DCLK1: variants seen among roughly 807,000 people sequenced by gnomAD.
DCLK1 encodes the protein doublecortin like kinase 1, also known as serine/threonine-protein kinase DCLK1.
DCLK1 carries 16 observed loss-of-function variants against 86.2 expected under a neutral mutation model. That is an observed-to-expected ratio of 0.19 (90% CI 0.13 to 0.28). The LOEUF is 0.28. DCLK1 is among the 10% of genes least tolerant of loss of function. The pLI, the probability that DCLK1 is intolerant of heterozygous loss-of-function variation, is 1.00. For synonymous variants in DCLK1, 369 were observed against 370.5 expected, an observed-to-expected ratio of 1.00 and a Z score of 0.05; for missense variants, 590 against 940.2, an observed-to-expected ratio of 0.63 and a Z score of 4.87.
rs545564824 is a variant in DCLK1 at position 36,129,192 on chromosome 13, C to T, written c.-20+1922G>A. Among the ~76,000 whole-genome samples, 6 of 152,224 alleles carry T rather than the reference C, an allele frequency of 3.9e-5. No individual in the cohort carries two copies. In the South Asian group the frequency reaches 1.2e-3, roughly 32 times the overall value. On this transcript the variant is annotated intron_variant, in intron 1 of 16. Transcript: ENST00000360631. Reference sequence around the variant, plus strand: ...TTCTGTTACCAGAAAGAGTGCACATCGAATTCTCAGTGACTGACAATTGGC... The same window carrying T: ...TTCTGTTACCAGAAAGAGTGCACATTGAATTCTCAGTGACTGACAATTGGC...
rs545819095 is a variant in DCLK1, at chr13:35,948,351, A to C, written c.724-894T>G. Among the ~76,000 whole-genome samples, 6 of 152,298 alleles carry C rather than the reference A, an allele frequency of 3.9e-5. No individual in the cohort carries two copies. In the East Asian group the frequency reaches 1.2e-3, roughly 29 times the overall value. On this transcript the variant is annotated intron_variant, in intron 3 of 16. Coordinates refer to ENST00000360631, the MANE Select transcript of DCLK1 (RefSeq NM_001330071.2). ...ATAAGATGGCCAGTTGCAGGCACCC[A>C]TTCAGAGCTGTATGAAATAGATGTT...
At chr13:36,100,457 A>G (rs192915383) in intron 3 of DCLK1, among the ~76,000 whole-genome samples, 10 of 152,290 alleles carry the variant, frequency 6.6e-5, no homozygotes, top group East Asian at 5.8e-4. Context: ...CAGGAGACCA[A>G]TTCCAGAAAT....
chr13:36,125,564 A>T (rs576035275), intron 2 of DCLK1, among the ~76,000 whole-genome samples, 198 bp downstream of exon 2: 1 of 152,366 alleles, frequency 6.6e-6, no homozygotes, highest in South Asian at 2.1e-4. Context: ...GCACATTATT[A>T]TAAGCTACCT....
intron 3 of DCLK1, among the ~76,000 whole-genome samples, chr13:35,982,436 G>T (rs1220145134): frequency 1.4e-4 from 1 of 7,290 alleles, no homozygotes; most frequent in South Asian, 6.8e-3. Context: ...GAGAGAGGGG[G>T]AGGGAGGGAG....
chr13:35,851,111 C>T (rs962318691), intron 6 of DCLK1, among the ~76,000 whole-genome samples: 3 of 152,124 alleles, frequency 2.0e-5, no homozygotes, highest in African/African-American at 7.2e-5. Flanking sequence ...CATTTCCTTC[C>T]CATTCTTGGT....
chr13:35,830,119 C>T (rs903157749), intron 8 of DCLK1, among the ~76,000 whole-genome samples: 8 of 152,172 alleles, frequency 5.3e-5, no homozygotes, highest in African/African-American at 1.9e-4. Context: ...GGGGCAGTGG[C>T]TCATGCCTAT....
At position 36,123,058 on chromosome 13, in the gene DCLK1, A is replaced by G. The variant is rs562504681; in HGVS notation, c.376+2704T>C. ...AGTGAGAAAGAGCAAGAAAATAACT[A>G]TAAGTCCAATACACTTGCCACTGCA... On this transcript the variant is annotated intron_variant, in intron 2 of 16. Transcript: ENST00000360631. Among the ~76,000 whole-genome samples, 176 of 152,362 alleles carry G rather than the reference A, an allele frequency of 1.2e-3. 2 individuals carry two copies. Among genetic ancestry groups the G allele is most frequent in the Non-Finnish European group, 1.5e-3 (101 of 68,030 alleles).
In DCLK1 at chr13:35,809,032, G is replaced by A. The variant is rs149053955; in HGVS notation, c.1752C>T (p.Phe584=). Residue 584 remains phenylalanine (F), a synonymous_variant, in exon 13 of 17, where the codon TTC becomes TTT. Coordinates refer to ENST00000360631, the MANE Select transcript of DCLK1 (RefSeq NM_001330071.2). ...GVITYILLCG[F]PPFRGSGDDQ... ...GTTGCCCATACCCACGGAATGGAGG[G>A]AAACCACACAGCAGGATATAAGTGA... 2 of 1,611,844 alleles carry A rather than the reference G, an allele frequency of 1.2e-6. No homozygotes were observed. The highest frequency in any genetic ancestry group is 1.7e-6 in the Non-Finnish European group (2 of 1,178,484).
intron 3 of DCLK1, among the ~76,000 whole-genome samples, chr13:35,984,839 C>T (rs369252952): frequency 6.6e-6 from 1 of 152,148 alleles, no homozygotes; most frequent in Non-Finnish European, 1.5e-5. Flanking sequence ...ACCCCTTCCC[C>T]GCTTGGCTTT....
chr13:36,077,745 T>C (rs1325932607), intron 3 of DCLK1, among the ~76,000 whole-genome samples: 3 of 152,188 alleles, frequency 2.0e-5, no homozygotes, highest in Non-Finnish European at 4.4e-5. Flanking sequence ...TGTTCTGTGG[T>C]TGCTTTAACA....
intron 3 of DCLK1, among the ~76,000 whole-genome samples, chr13:35,960,333 T>TA (rs544415102): frequency 4.6e-5 from 7 of 152,296 alleles, no homozygotes; most frequent in African/African-American, 1.4e-4. Flanking sequence ...GCCCAAATGT[T>TA]AAAAAACCAC....
intron 4 of DCLK1, among the ~76,000 whole-genome samples, chr13:35,935,179 A>G (rs1364149799): frequency 6.6e-6 from 1 of 152,148 alleles, no homozygotes; most frequent in Admixed American, 6.5e-5. Context: ...AACAAATAAT[A>G]CTGTGGTTGG....
intron 3 of DCLK1, among the ~76,000 whole-genome samples, chr13:36,052,267 A>G (rs1883147703): frequency 6.6e-6 from 1 of 152,162 alleles, no homozygotes; most frequent in African/African-American, 2.4e-5. Context: ...GCTTGCTATG[A>G]TAACAGAACT....
intron 3 of DCLK1, among the ~76,000 whole-genome samples, chr13:36,103,143 G>A (rs528271435): frequency 1.6e-4 from 24 of 152,270 alleles, no homozygotes; most frequent in Admixed American, 1.1e-3. Context: ...GCTCACGCCT[G>A]TAATCCCAGC....
intron 6 of DCLK1, chr13:35,847,451 G>A (rs542465096): frequency 2.0e-6 from 2 of 984,862 alleles, no homozygotes; most frequent in African/African-American, 3.5e-5. Context: ...TACACACCAA[G>A]CCTGGCAAAT....
chr13:35,810,202 G>A (rs1259857752), intron 12 of DCLK1, among the ~76,000 whole-genome samples: 2 of 152,150 alleles, frequency 1.3e-5, no homozygotes, highest in Non-Finnish European at 2.9e-5. Flanking sequence ...TCAATTTATT[G>A]AAGTGCAAAA....
At chr13:35,978,014 G>C (rs1011986975) in intron 3 of DCLK1, among the ~76,000 whole-genome samples, 2 of 152,046 alleles carry the variant, frequency 1.3e-5, no homozygotes, top group Middle Eastern at 3.4e-3. Flanking sequence ...ATAATAAGCA[G>C]AATGTCATTG....
intron 3 of DCLK1, among the ~76,000 whole-genome samples, chr13:36,058,927 AAT>A (rs1190791811): frequency 6.6e-6 from 1 of 152,212 alleles, no homozygotes; most frequent in Non-Finnish European, 1.5e-5. Flanking sequence ...TAATGATCAG[AAT>A]ATCTACTGGA....
At chr13:36,017,889 G>A (rs565163868) in intron 3 of DCLK1, among the ~76,000 whole-genome samples, 1 of 152,176 alleles carries the variant, frequency 6.6e-6, no homozygotes, top group Non-Finnish European at 1.5e-5. Flanking sequence ...ACTGACCTCT[G>A]CCCAGCACCA....
Sources: gnomAD v4.1 joint callset for allele counts (sites outside exome capture counted in the v4.1 genomes callset) on GRCh38, gnomAD v4.1.1 for gene constraint, MANE v1.5 for transcripts, NCBI Gene and HGNC (gene_info 2026-07-23, HGNC 2026-07-21) for gene names.